Variants in GDI2 observed in about 807,000 individuals in gnomAD.
GDI2 encodes the protein rab GDP dissociation inhibitor beta.
A neutral mutation model predicts 54.2 loss-of-function variants in GDI2; 22 were observed. That is an observed-to-expected ratio of 0.41 (90% CI 0.29 to 0.58). The LOEUF is 0.58. Among genes scored for constraint, GDI2 ranks in the 20% least tolerant of loss-of-function variants. The pLI is 0.35. For missense variants in GDI2, 422 were observed against 546.0 expected (o/e 0.77, Z 2.26); for synonymous variants, 177 against 182.1 (o/e 0.97, Z 0.23).
intron 6 of GDI2, among the ~76,000 whole-genome samples, chr10:5,784,017 A>G (rs1193938500): frequency 6.6e-6 from 1 of 152,056 alleles, no homozygotes; most frequent in Non-Finnish European, 1.5e-5. Context: ...TCCTCAATTA[A>G]TCCCTCAAAT....
At position 5,774,333 on chromosome 10, in the gene GDI2, G is replaced by A. The variant is rs922004240; in HGVS notation, c.720-392C>T. On this transcript the variant is annotated intron_variant, in intron 6 of 10. Transcript: ENST00000380191. The surrounding 1 kb of genome is among the most constrained non-coding windows in gnomAD (Gnocchi z 4.8). ...TTCTTCTGAGGAGAAAAGAACTGAG[G>A]TTGCTGCAGACCCGTACGGATTCAT... Among the ~76,000 whole-genome samples, 4 of 152,034 alleles carry A rather than the reference G, an allele frequency of 2.6e-5. No homozygotes were observed. The highest frequency in any genetic ancestry group is 2.0e-4 in the Admixed American group (3 of 15,246).
intron 4 of GDI2, among the ~76,000 whole-genome samples, chr10:5,793,487 C>T (rs1841062886): frequency 6.6e-6 from 1 of 152,152 alleles, no homozygotes; most frequent in Non-Finnish European, 1.5e-5. Flanking sequence ...AGCCCTGATT[C>T]TTTGCAGTAT....
At chr10:5,800,553 T>C in intron 2 of GDI2, 45 bp downstream of exon 2, 5 of 884,250 alleles carry the variant, frequency 5.7e-6, no homozygotes, top group Non-Finnish European at 9.7e-6. Context: ...ACAAGTGAAA[T>C]ACTCACAAAG....
At chr10:5,784,783 C>T (rs1840836060) in intron 6 of GDI2, among the ~76,000 whole-genome samples, 1 of 152,232 alleles carries the variant, frequency 6.6e-6, no homozygotes, top group Admixed American at 6.5e-5. Context: ...TGTGATCTGT[C>T]TCCAGGTCTC....
chr10:5,772,302 A>G (rs1197077043), intron 7 of GDI2, among the ~76,000 whole-genome samples: 3 of 152,256 alleles, frequency 2.0e-5, no homozygotes, highest in Non-Finnish European at 4.4e-5. Flanking sequence ...TTAAGTTAGC[A>G]TTAACAAAAC....
At chr10:5,803,676 C>T (rs1440867866) in intron 1 of GDI2, among the ~76,000 whole-genome samples, 1 of 151,904 alleles carries the variant, frequency 6.6e-6, no homozygotes, top group Non-Finnish European at 1.5e-5. Context: ...GACCATCAAC[C>T]GAAAAGTATA....
chr10:5,793,347 T>G (rs1320839663), intron 4 of GDI2, among the ~76,000 whole-genome samples: 1 of 152,178 alleles, frequency 6.6e-6, no homozygotes, highest in East Asian at 1.9e-4. Context: ...ATGAAGATAC[T>G]TTATTTGGAT....
At position 5,794,189 on chromosome 10, in the gene GDI2, ATATATATATATATATATATAT is replaced by A. The variant is rs1318016442; in HGVS notation, c.388+675_388+695del. ...CTTTAAAAGAAAAAAAAAAAAAAAA[ATATATATATATATATATATAT>A]ATATATATATATATATATATATAAA... On this transcript the variant is annotated intron_variant, in intron 4 of 10. Coordinates refer to ENST00000380191, the MANE Select transcript of GDI2 (RefSeq NM_001494.4). Among the ~76,000 whole-genome samples, 22 of 33,954 alleles carry A rather than the reference ATATATATATATATATATATAT, an allele frequency of 6.5e-4. 1 individual carries two copies. The highest frequency in any genetic ancestry group is 2.4e-3 in the East Asian group (2 of 846). 22.3% of individuals were successfully genotyped at this position (33,954 alleles called of 152,430 possible).
intron 7 of GDI2, chr10:5,769,042 C>T (rs1181040184): frequency 6.6e-6 from 1 of 152,158 alleles, no homozygotes. Context: ...ACCCCAGCTA[C>T]TTGGGAGGCT....
In GDI2 at chr10:5,773,961, C is replaced by T. The variant is rs780733418; in HGVS notation, c.720-20G>A. 1 of 1,001,840 alleles carries T rather than the reference C, an allele frequency of 1.0e-6. No individual in the cohort carries two copies. Among genetic ancestry groups the T allele is most frequent in the East Asian group, 2.4e-5 (1 of 41,966 alleles). The allele number at this position is 1,001,840 out of a possible 1,614,324, so 62.1% of individuals were successfully genotyped here. A position where few individuals can be genotyped will look rare whatever the true frequency, so the allele number is the denominator to read the frequency against. On this transcript the variant is annotated intron_variant, in intron 6 of 10. Coordinates refer to ENST00000380191, the MANE Select transcript of GDI2 (RefSeq NM_001494.4). ...CTTAGCCTGGAAAATTTTTAAAATC[C>T]CAATTAATAATATATAGTTGTTTCA...
intron 4 of GDI2, among the ~76,000 whole-genome samples, chr10:5,789,952 G>C (rs1282564635): frequency 6.6e-6 from 1 of 152,158 alleles, no homozygotes; most frequent in Non-Finnish European, 1.5e-5. Context: ...ATCTCTGCAT[G>C]AGCAGTTCAC....
intron 4 of GDI2, among the ~76,000 whole-genome samples, chr10:5,794,188 A>AAAAAATAT (rs1448053813): frequency 1.7e-4 from 7 of 40,336 alleles, no homozygotes; most frequent in Non-Finnish European, 2.9e-4. Context: ...AAAAAAAAAA[A>AAAAAATAT]ATATATATAT....
At chr10:5,801,673 T>C (rs1841272406) in intron 1 of GDI2, among the ~76,000 whole-genome samples, 1 of 144,682 alleles carries the variant, frequency 6.9e-6, no homozygotes, top group Non-Finnish European at 1.5e-5. Flanking sequence ...CTAAACTCCA[T>C]CTCAAGAACA....
At position 5,766,084 on chromosome 10, in the gene GDI2, G is replaced by A. The variant is rs753553466; in HGVS notation, c.1260C>T (p.Ile420=). Residue 420 remains isoleucine (I), a synonymous_variant, in exon 11 of 11, where the codon ATC becomes ATT. Coordinates refer to ENST00000380191, the MANE Select transcript of GDI2 (RefSeq NM_001494.4). This position sits in a 1 kb window ranked among gnomAD's most constrained non-coding sequence, Gnocchi z 5.8. ...ACTCTGATCCTGTCATCCTCTTATA[G>A]ATGTTTTTAATGTCATCACACGTTG... ...FETTCDDIKN[I]YKRMTGSEFD... The A allele has an allele frequency of 6.2e-7, 1 of 1,607,724 alleles. No homozygotes were observed. Among genetic ancestry groups the A allele is most frequent in the Non-Finnish European group, 8.5e-7 (1 of 1,177,546 alleles).
intron 5 of GDI2, 48 bp from the exon 6 acceptor site, chr10:5,785,321 A>G: frequency 1.5e-6 from 2 of 1,350,204 alleles, no homozygotes; most frequent in South Asian, 1.3e-5. Context: ...GTTTTCATTC[A>G]TGGTGTTCAA....
intron 1 of GDI2, among the ~76,000 whole-genome samples, chr10:5,805,426 G>A (rs983531168): frequency 6.7e-6 from 1 of 148,182 alleles, no homozygotes; most frequent in Non-Finnish European, 1.5e-5. Flanking sequence ...CCGTTGCCCA[G>A]CCTGGAGTGC....
intron 1 of GDI2, among the ~76,000 whole-genome samples, chr10:5,803,515 C>T (rs1841313046): frequency 6.6e-6 from 1 of 152,150 alleles, no homozygotes; most frequent in African/African-American, 2.4e-5. Flanking sequence ...ATTTATTCCT[C>T]CATTTCTAAT....
At chr10:5,780,448 C>A (rs1840730984) in intron 6 of GDI2, among the ~76,000 whole-genome samples, 1 of 152,002 alleles carries the variant, frequency 6.6e-6, no homozygotes, top group Non-Finnish European at 1.5e-5. Context: ...GGGAAAAACA[C>A]ATAAAAGTTA....
In GDI2 at chr10:5,766,784, A is replaced by C; in HGVS notation, c.992-146T>G. 1.6e-6 allele frequency: 1 copy of C among 624,928 alleles called. No individual in the cohort carries two copies. The highest frequency in any genetic ancestry group is 2.6e-4 in the Middle Eastern group (1 of 3,846). The allele number at this position is 624,928 out of a possible 1,614,324, so 38.7% of individuals were successfully genotyped here. A position where few individuals can be genotyped will look rare whatever the true frequency, so the allele number is the denominator to read the frequency against. ...CTACACTTAAGTTCTAAATGGTGAC[A>C]GAGTTGGATGTAAAGTACACAGATA... is the stretch of plus-strand genomic sequence containing the variant. On this transcript the variant is annotated intron_variant, in intron 8 of 10. Coordinates refer to ENST00000380191, the MANE Select transcript of GDI2 (RefSeq NM_001494.4). This position sits in a 1 kb window ranked among gnomAD's most constrained non-coding sequence, Gnocchi z 5.8.
Sources: gnomAD v4.1 joint callset for allele counts (sites outside exome capture counted in the v4.1 genomes callset) on GRCh38, gnomAD v4.1.1 for gene constraint, Gnocchi (gnomAD v3.1) non-coding constraint, MANE v1.5 for transcripts, NCBI Gene and HGNC (gene_info 2026-07-23, HGNC 2026-07-21) for gene names.